The following TMEM68 variants were observed in gnomAD, a reference collection of about 807,000 sequenced individuals.
TMEM68 encodes transmembrane protein 68.
Under a neutral mutation model 36.9 loss-of-function variants are expected in TMEM68, and 25 were observed. The observed-to-expected ratio is 0.68, with a 90% CI of 0.49 to 0.95. The LOEUF is 0.95. Ranked by LOEUF, TMEM68 falls within the 40% of genes least tolerant of loss-of-function variation. The pLI is 0.00. For missense variants in TMEM68, 333 were observed against 392.0 expected, an observed-to-expected ratio of 0.85 and a Z score of 1.27; for synonymous variants, 131 against 124.4, an observed-to-expected ratio of 1.05 and a Z score of -0.35.
At chr8:55,744,914 T>C (rs1053005449) in intron 6 of TMEM68, 147 bp downstream of exon 6, 1 of 474,508 alleles carries the variant, frequency 2.1e-6, no homozygotes. Flanking sequence ...TAGAACTAGT[T>C]ATCATTTGGA....
chr8:55,761,789 C>T (rs999389101), intron 3 of TMEM68: 1 of 152,160 alleles, frequency 6.6e-6, no homozygotes, highest in Non-Finnish European at 1.5e-5. Flanking sequence ...CCTAATAGTT[C>T]AGTGATATAT....
intron 3 of TMEM68, 119 bp downstream of exon 3, chr8:55,762,516 G>C (rs763304269): frequency 1.3e-6 from 2 of 1,520,484 alleles, no homozygotes; most frequent in East Asian, 2.3e-5. Flanking sequence ...ACAGGGAATA[G>C]TAAATATCAC....
intron 5 of TMEM68, chr8:55,747,815 T>C (rs1810328061): frequency 6.6e-6 from 1 of 152,206 alleles, no homozygotes; most frequent in South Asian, 2.1e-4. Context: ...AATGTCTTTA[T>C]AGTTGAGAAC....
At position 55,756,296 on chromosome 8, in the gene TMEM68, G is replaced by T. The variant is rs372564678; in HGVS notation, c.441C>A (p.His147Gln). 1.2e-6 allele frequency: 2 copies of T among 1,606,240 alleles called. No homozygotes were observed. Among genetic ancestry groups the T allele is most frequent in the Non-Finnish European group, 1.7e-6 (2 of 1,178,138 alleles). The stretch of plus-strand genomic sequence containing the variant: ...CTACTACTCGGCAAGTTCTGCCTTT[G>T]TGTATAAATATTTTAGCCATGAAAT... ...FYYFMAKIFI[H>Q]KGRTCRVVAD... Residue 147 changes from histidine (H) to glutamine (Q), a missense_variant, in exon 4 of 8, where the codon CAC becomes CAA. Transcript: ENST00000434581.
chr8:55,755,107 T>C lies in TMEM68; in HGVS notation c.493+1137A>G, dbSNP rs1810563091. ...TGAGGCCAGGAATTTGAGACCAGCC[T>C]GGGCAACATAGCAAGACCCCATATC... On this transcript the variant is annotated intron_variant, in intron 4 of 7. Coordinates refer to ENST00000434581, the MANE Select transcript of TMEM68 (RefSeq NM_001286657.2). 2.0e-5 allele frequency among the ~76,000 whole-genome samples: 3 copies of C among 150,458 alleles called. No homozygotes were observed. The East Asian group carries it at 5.8e-4, about 29-fold the overall frequency.
chr8:55,753,336 A>T (rs1810474320), intron 4 of TMEM68, among the ~76,000 whole-genome samples: 1 of 148,624 alleles, frequency 6.7e-6, no homozygotes, highest in African/African-American at 2.4e-5. Flanking sequence ...ATTAAATCTT[A>T]AAAAAAAACC....
intron 5 of TMEM68, 186 bp downstream of exon 5, chr8:55,750,778 T>A: frequency 3.8e-6 from 2 of 531,528 alleles, no homozygotes; most frequent in Non-Finnish European, 6.5e-6. Flanking sequence ...GACCTCATGA[T>A]ACATCCACCT....
In TMEM68 at chr8:55,755,721, G is replaced by A. The variant is rs570848224; in HGVS notation, c.493+523C>T. On this transcript the variant is annotated intron_variant, in intron 4 of 7. Transcript: ENST00000434581. The stretch of plus-strand genomic sequence containing the variant: ...TCATTATGTGAAAAATCAACTATGC[G>A]CTAAATCAAAATATAAATTGGCAAA... Among the ~76,000 whole-genome samples the A allele has an allele frequency of 2.2e-3, 329 of 150,946 alleles. 1 individual carries two copies. Among genetic ancestry groups the A allele is most frequent in the African/African-American group, 7.5e-3 (310 of 41,064 alleles).
chr8:55,769,539 G>A (rs1465150428), intron 1 of TMEM68, among the ~76,000 whole-genome samples: 1 of 151,984 alleles, frequency 6.6e-6, no homozygotes, highest in Non-Finnish European at 1.5e-5. Context: ...AAATAAAATA[G>A]TTATCTAAGA....
At chr8:55,746,162 A>T (rs1235601429) in intron 5 of TMEM68, 1 of 140,368 alleles carries the variant, frequency 7.1e-6, no homozygotes, top group Non-Finnish European at 1.6e-5. Context: ...AAAAAAATGT[A>T]AAAATTATCC....
At chr8:55,753,674 C>T (rs768701870) in intron 4 of TMEM68, among the ~76,000 whole-genome samples, 1 of 152,192 alleles carries the variant, frequency 6.6e-6, no homozygotes, top group Non-Finnish European at 1.5e-5. Flanking sequence ...ATACTAACAA[C>T]TCTCTTGGCT....
chr8:55,754,466 T>TATATAC (rs1346601089), intron 4 of TMEM68, among the ~76,000 whole-genome samples: 2 of 118,946 alleles, frequency 1.7e-5, no homozygotes, highest in East Asian at 2.3e-4. Context: ...TATATATATA[T>TATATAC]ACACACACAC....
At chr8:55,766,525 C>T (rs188478973) in intron 1 of TMEM68, among the ~76,000 whole-genome samples, 191 of 151,978 alleles carry the variant, frequency 1.3e-3, no homozygotes, top group African/African-American at 2.1e-3. Context: ...TAAAGGTGCC[C>T]GCCACCACGC....
chr8:55,757,368 C>T (rs1360184337), intron 3 of TMEM68, among the ~76,000 whole-genome samples: 2 of 152,098 alleles, frequency 1.3e-5, no homozygotes, highest in East Asian at 3.9e-4. Context: ...TAAAGTCCCA[C>T]GGTAGGCTAG....
intron 1 of TMEM68, among the ~76,000 whole-genome samples, chr8:55,765,869 T>C (rs2130026131): frequency 6.6e-6 from 1 of 152,318 alleles, no homozygotes; most frequent in East Asian, 1.9e-4. Flanking sequence ...TGTCTCATTG[T>C]TTCTCTGAAA....
chr8:55,771,441 A>AACACACACAC (rs10612593), intron 1 of TMEM68, among the ~76,000 whole-genome samples: 77 of 149,454 alleles, frequency 5.2e-4, no homozygotes, highest in African/African-American at 1.9e-3. Flanking sequence ...GTCTCTACAA[A>AACACACACAC]ACACACACAC....
intron 6 of TMEM68, among the ~76,000 whole-genome samples, chr8:55,744,688 T>A (rs1413312999): frequency 6.6e-6 from 1 of 152,180 alleles, no homozygotes; most frequent in Non-Finnish European, 1.5e-5. Flanking sequence ...TAATCTTAGT[T>A]CAATATCATA....
At chr8:55,742,440 GTTTTACCATAATGT>G (rs1810130686) in intron 7 of TMEM68, among the ~76,000 whole-genome samples, 1 of 152,084 alleles carries the variant, frequency 6.6e-6, no homozygotes, top group Non-Finnish European at 1.5e-5. Context: ...TTTACCATAT[GTTTTACCATAATGT>G]TTTTACCATA....
At chr8:55,770,736 T>G (rs1327589065) in intron 1 of TMEM68, among the ~76,000 whole-genome samples, 1 of 152,102 alleles carries the variant, frequency 6.6e-6, no homozygotes, top group Non-Finnish European at 1.5e-5. Context: ...AATATTTTAG[T>G]TCTCAAAATT....
Sources: gnomAD v4.1 joint callset for allele counts (sites outside exome capture counted in the v4.1 genomes callset) on GRCh38, gnomAD v4.1.1 for gene constraint, MANE v1.5 for transcripts, NCBI Gene and HGNC (gene_info 2026-07-23, HGNC 2026-07-21) for gene names.